Variants in BUB1B observed in about 807,000 individuals in gnomAD.
BUB1B encodes the protein BUB1 mitotic checkpoint serine/threonine kinase B.
Under a neutral mutation model 137.7 loss-of-function variants are expected in BUB1B, and 86 were observed. That is an observed-to-expected ratio of 0.62 (90% confidence interval 0.52 to 0.75). The LOEUF (loss-of-function observed/expected upper bound fraction) is 0.75. Ranked by LOEUF, BUB1B falls within the 30% of genes least tolerant of loss-of-function variation. The pLI, the probability that BUB1B is intolerant of heterozygous loss-of-function variation, is 0.00. For synonymous variants in BUB1B, 420 were observed against 417.9 expected, an observed-to-expected ratio of 1.00 and a Z score of -0.06; for missense variants, 1,130 against 1,236.9, an observed-to-expected ratio of 0.91 and a Z score of 1.30.
In BUB1B at chr15:40,202,378, G is replaced by C. The variant is rs972135906; in HGVS notation, c.1568-27G>C. On this transcript the variant is annotated intron_variant, in intron 12 of 22. Coordinates refer to ENST00000287598, the MANE Select transcript of BUB1B (RefSeq NM_001211.6). Reference sequence around the variant, plus strand: ...GAAGAGTAAAGCATTTACTCCTAGAGTATGTATCTAGTCTCTCTTTCTCTA... The same window carrying C: ...GAAGAGTAAAGCATTTACTCCTAGACTATGTATCTAGTCTCTCTTTCTCTA... The C allele has an allele frequency of 2.6e-6, 4 of 1,561,066 alleles. No individual in the cohort carries two copies. The African/African-American group carries it at 5.4e-5, about 21-fold the overall frequency.
intron 20 of BUB1B, among the ~76,000 whole-genome samples, chr15:40,214,738 CAGCATT>C (rs2037753525): frequency 6.6e-6 from 1 of 152,184 alleles, no homozygotes; most frequent in African/African-American, 2.4e-5. Flanking sequence ...CATAATGTAG[CAGCATT>C]TCTCATCCAG....
chr15:40,184,942 T>G (rs747935361), intron 6 of BUB1B, among the ~76,000 whole-genome samples: 10 of 152,270 alleles, frequency 6.6e-5, no homozygotes, highest in Non-Finnish European at 1.3e-4. Flanking sequence ...GTGGGGTGAC[T>G]GGAGGAGGGA....
chr15:40,195,150 C>G (rs2037482843), intron 8 of BUB1B, among the ~76,000 whole-genome samples: 2 of 151,884 alleles, frequency 1.3e-5, no homozygotes, highest in South Asian at 2.1e-4. Flanking sequence ...TCCTTTCCCC[C>G]AAATCCCCAA....
intron 9 of BUB1B, among the ~76,000 whole-genome samples, chr15:40,197,849 G>A (rs999406034): frequency 6.6e-6 from 1 of 152,196 alleles, no homozygotes; most frequent in Non-Finnish European, 1.5e-5. Flanking sequence ...TGGTTGCAAA[G>A]CAAGGTGTTG....
chr15:40,212,961 T>C (rs2037733043), intron 19 of BUB1B, among the ~76,000 whole-genome samples: 1 of 152,204 alleles, frequency 6.6e-6, no homozygotes, highest in Non-Finnish European at 1.5e-5. Flanking sequence ...CTGGATAGTT[T>C]TTAAAACCCA....
chr15:40,194,054 T>C (rs7183293), intron 8 of BUB1B, among the ~76,000 whole-genome samples: 1 of 152,088 alleles, frequency 6.6e-6, no homozygotes, highest in African/African-American at 2.4e-5. Context: ...TTATTTTAAA[T>C]TTATTGTGAA....
intron 5 of BUB1B, among the ~76,000 whole-genome samples, chr15:40,182,028 ACT>A (rs1242591126): frequency 1.3e-5 from 2 of 152,124 alleles, no homozygotes; most frequent in Non-Finnish European, 2.9e-5. Context: ...ATATGGTGAA[ACT>A]CTGTCTCTAC....
rs533967447 is a variant in BUB1B at position 40,185,228 on chromosome 15, T to A, written c.815T>A (p.Ile272Asn). The change falls in exon 7 of 23, where the codon ATT becomes AAT. Residue 272 changes from isoleucine (I) to asparagine (N), a missense_variant. By Grantham distance (149) the Ile-to-Asn change is moderately radical (BLOSUM62 -3). Coordinates refer to ENST00000287598, the MANE Select transcript of BUB1B (RefSeq NM_001211.6). ...FPQQMQNNSR[I>N]TVFDENADEA... ...CAACAGATGCAAAATAATAGTAGAA[T>A]TACTGTTTTTGATGAAAATGCTGAT... 2 of 1,614,088 alleles carry A rather than the reference T, an allele frequency of 1.2e-6. No individual in the cohort carries two copies. The highest frequency in any genetic ancestry group is 2.2e-5 in the South Asian group (2 of 91,084).
At chr15:40,220,527 G>C (rs781580737) in intron 22 of BUB1B, 37 bp from the exon 23 acceptor site, 10 of 1,603,126 alleles carry the variant, frequency 6.2e-6, no homozygotes, top group Admixed American at 5.0e-5. Context: ...ATTTTCATAT[G>C]CCTAATCTTG....
chr15:40,173,876 C>T (rs1023266094), intron 4 of BUB1B: 28 of 384,482 alleles, frequency 7.3e-5, no homozygotes, highest in Middle Eastern at 3.6e-4. Context: ...TACTTTCTTT[C>T]GCTTTGCAGA....
Position 40,208,626 on chromosome 15 carries a change from GA to G in BUB1B, c.2010-10del. The stretch of plus-strand genomic sequence containing the variant: ...TTCCTATAAGAATTAACTTATTTTT[GA>G]TTCTTTTAGCCCAATTATTGAAGAC... On this transcript the variant is annotated splice_polypyrimidine_tract_variant and intron_variant, in intron 15 of 22. Transcript: ENST00000287598. The G allele has an allele frequency of 6.2e-7, 1 of 1,608,118 alleles. No individual in the cohort carries two copies. The highest frequency in any genetic ancestry group is 8.5e-7 in the Non-Finnish European group (1 of 1,174,938).
At chr15:40,168,997 A>G (rs1201702781) in intron 2 of BUB1B, among the ~76,000 whole-genome samples, 2 of 151,868 alleles carry the variant, frequency 1.3e-5, no homozygotes, top group Non-Finnish European at 2.9e-5. Flanking sequence ...TTCATTTTTC[A>G]TTTGTGTACT....
intron 20 of BUB1B, among the ~76,000 whole-genome samples, chr15:40,216,572 T>TATATATA (rs1491509706): frequency 4.3e-5 from 2 of 46,934 alleles, no homozygotes; most frequent in African/African-American, 2.2e-4. Context: ...TATATATATA[T>TATATATA]TTTTTTTTTT....
intron 2 of BUB1B, among the ~76,000 whole-genome samples, chr15:40,166,819 C>T (rs921072765): frequency 1.4e-4 from 21 of 152,248 alleles, no homozygotes; most frequent in South Asian, 2.1e-4. Flanking sequence ...CGATCTTTTT[C>T]GTTTTAGCCA....
chr15:40,165,329 C>T, intron 2 of BUB1B, 133 bp downstream of exon 2: 1 of 1,161,278 alleles, frequency 8.6e-7, no homozygotes, highest in Non-Finnish European at 1.3e-6. Context: ...TGTTCTCTAC[C>T]TGCTTTCGTA....
At chr15:40,182,215 T>C (rs2037303096) in intron 5 of BUB1B, among the ~76,000 whole-genome samples, 1 of 152,166 alleles carries the variant, frequency 6.6e-6, no homozygotes, top group Non-Finnish European at 1.5e-5. Context: ...AAAAACAAAA[T>C]AAAATCTCCA....
At chr15:40,173,583 T>C (rs1174255573) in intron 4 of BUB1B, among the ~76,000 whole-genome samples, 1 of 152,220 alleles carries the variant, frequency 6.6e-6, no homozygotes, top group Non-Finnish European at 1.5e-5. Context: ...AATTTGATAT[T>C]GCCGGGACAT....
Position 40,216,561 on chromosome 15 carries a change from ATATATATATATTTTTT to A in BUB1B, c.2679-933_2679-918del, listed in dbSNP as rs1182144532. Among the ~76,000 whole-genome samples the A allele has an allele frequency of 1.9e-3, 158 of 81,362 alleles. 1 individual carries two copies. Among genetic ancestry groups the A allele is most frequent in the African/African-American group, 7.4e-3 (137 of 18,442 alleles). 53.4% of individuals were successfully genotyped at this position (81,362 alleles called of 152,430 possible). A position where few individuals can be genotyped will look rare whatever the true frequency, so the allele number is the denominator to read the frequency against. ...CTATATATATACTATATATATATAT[ATATATATATATTTTTT>A]TTTTTTTTTAATTATAGTATAGTTT... is the stretch of plus-strand genomic sequence containing the variant. On this transcript the variant is annotated intron_variant, in intron 20 of 22. Coordinates refer to ENST00000287598, the MANE Select transcript of BUB1B (RefSeq NM_001211.6).
intron 6 of BUB1B, 44 bp downstream of exon 6, chr15:40,183,927 T>C: frequency 6.3e-7 from 1 of 1,593,508 alleles, no homozygotes; most frequent in South Asian, 1.1e-5. Context: ...TAGTTTCTAG[T>C]GGTAAAATCA....
Sources: allele counts gnomAD v4.1 joint callset (sites outside exome capture counted in the v4.1 genomes callset), GRCh38; gene constraint gnomAD v4.1.1; transcripts MANE v1.5; gene names NCBI Gene and HGNC (gene_info 2026-07-23, HGNC 2026-07-21).